Variants in CARM1 observed in about 807,000 individuals in gnomAD.
CARM1 encodes coactivator associated arginine methyltransferase 1, also known as histone-arginine methyltransferase CARM1.
A neutral mutation model predicts 72.7 loss-of-function variants in CARM1; 14 were observed. The observed-to-expected ratio is 0.19, with a 90% CI of 0.13 to 0.30. The LOEUF (loss-of-function observed/expected upper bound fraction) is 0.30. CARM1 is among the 10% of genes least tolerant of loss of function. The pLI is 1.00. For missense variants in CARM1, 432 were observed against 833.7 expected, an observed-to-expected ratio of 0.52 and a Z score of 5.93; for synonymous variants, 333 against 345.5, an observed-to-expected ratio of 0.96 and a Z score of 0.40.
chr19:10,874,789 A>T (rs554502828), intron 1 of CARM1, among the ~76,000 whole-genome samples: 1 of 152,318 alleles, frequency 6.6e-6, no homozygotes, highest in East Asian at 1.9e-4. Context: ...TGAGAGGTTG[A>T]GGCAGGCGAA....
At chr19:10,909,650 T>C (rs1196564398) in intron 4 of CARM1, among the ~76,000 whole-genome samples, 1 of 151,926 alleles carries the variant, frequency 6.6e-6, no homozygotes, top group Admixed American at 6.6e-5. Flanking sequence ...GGCAGGTGAA[T>C]GGCATGAACG....
In CARM1 at chr19:10,896,373, G is replaced by A. The variant is rs1272069168; in HGVS notation, c.221-8578G>A. 6.6e-6 allele frequency among the ~76,000 whole-genome samples: 1 copy of A among 152,052 alleles called. No homozygotes were observed. The highest frequency in any genetic ancestry group is 2.4e-5 in the African/African-American group (1 of 41,402). On this transcript the variant is annotated intron_variant, in intron 1 of 15. Coordinates refer to ENST00000327064, the MANE Select transcript of CARM1 (RefSeq NM_199141.2). This position sits in a 1 kb window ranked among gnomAD's most constrained non-coding sequence, Gnocchi z 5.2. ...TGGGGGGCCAATAAGGAGGGGATGT[G>A]CAGCATGCTGACTCTAAGGCAGGTG...
chr19:10,904,381 ATGAC>A (rs1237394282), intron 1 of CARM1, among the ~76,000 whole-genome samples: 3 of 152,338 alleles, frequency 2.0e-5, no homozygotes, highest in Non-Finnish European at 4.4e-5. Flanking sequence ...TGTGGAATGA[ATGAC>A]TGGTAACAGC....
Position 10,871,800 on chromosome 19 carries a change from C to T in CARM1, c.98C>T (p.Pro33Leu), listed in dbSNP as rs987598124. ...AGPCATVSVF[P>L]GARLLTIGDA... ...CCCTGCGCTACCGTGTCGGTGTTCCCCGGCGCCCGCCTCCTCACCATCGGC... is the reference window on the plus strand; with the variant it reads ...CCCTGCGCTACCGTGTCGGTGTTCCTCGGCGCCCGCCTCCTCACCATCGGC... Residue 33 changes from proline to leucine, a missense_variant, in exon 1 of 16, where the codon CCC becomes CTC. Pro to Leu is a moderately conservative substitution (Grantham distance 98). This residue lies in a region of CARM1 where 138 missense variants were observed against 192.3 expected (regional missense o/e 0.72). Transcript: ENST00000327064. This position sits in a 1 kb window ranked among gnomAD's most constrained non-coding sequence, Gnocchi z 5.6. The T allele has an allele frequency of 7.3e-6, 9 of 1,233,322 alleles. No individual in the cohort carries two copies. Among genetic ancestry groups the T allele is most frequent in the Non-Finnish European group, 9.2e-6 (9 of 981,754 alleles). The allele number at this position is 1,233,322 out of a possible 1,614,324, so 76.4% of individuals were successfully genotyped here. A position where few individuals can be genotyped will look rare whatever the true frequency, so the allele number is the denominator to read the frequency against.
At position 10,920,960 on chromosome 19, in the gene CARM1, A is replaced by G. The variant is rs1599713188; in HGVS notation, c.1537+14A>G. 1 of 1,613,360 alleles carries G rather than the reference A, an allele frequency of 6.2e-7. No individual in the cohort carries two copies. The highest frequency in any genetic ancestry group is 8.5e-7 in the Non-Finnish European group (1 of 1,179,452). On this transcript the variant is annotated intron_variant, in intron 13 of 15. Coordinates refer to ENST00000327064, the MANE Select transcript of CARM1 (RefSeq NM_199141.2). This position sits in a 1 kb window ranked among gnomAD's most constrained non-coding sequence, Gnocchi z 5.3. ...TGGCCGTGGCAGGTGAGCAGGGCCCACCCCAATGCCCAGCCAACCCGGGAG... is the reference window on the plus strand; with the variant it reads ...TGGCCGTGGCAGGTGAGCAGGGCCCGCCCCAATGCCCAGCCAACCCGGGAG...
At chr19:10,883,164 C>T (rs1307654990) in intron 1 of CARM1, among the ~76,000 whole-genome samples, 1 of 152,168 alleles carries the variant, frequency 6.6e-6, no homozygotes, top group African/African-American at 2.4e-5. Flanking sequence ...CCGTGGTTCT[C>T]CCTCCAGTTT....
At chr19:10,913,737 A>G (rs1044494118) in intron 5 of CARM1, 140 bp from the exon 6 acceptor site, 15 of 830,714 alleles carry the variant, frequency 1.8e-5, no homozygotes, top group Middle Eastern at 3.7e-4. Context: ...AATCGCAGCC[A>G]TGGTTGGGGC....
At chr19:10,899,789 C>T (rs868639476) in intron 1 of CARM1, among the ~76,000 whole-genome samples, 4 of 150,718 alleles carry the variant, frequency 2.7e-5, no homozygotes, top group African/African-American at 7.3e-5. Flanking sequence ...GGTGCCATCT[C>T]GGCTCACTGC....
rs1010696938 is a variant in CARM1 at position 10,915,995 on chromosome 19, A to G, written c.848-412A>G. On this transcript the variant is annotated intron_variant, in intron 6 of 15. Coordinates refer to ENST00000327064, the MANE Select transcript of CARM1 (RefSeq NM_199141.2). The surrounding 1 kb of genome is among the most constrained non-coding windows in gnomAD (Gnocchi z 4.6). The stretch of plus-strand genomic sequence containing the variant: ...GCGGCGTTGGGGTAGCCCGGGGCCC[A>G]CCACCCTCCCTCTGTCCAGAGCAAC... Among the ~76,000 whole-genome samples, 1 of 152,124 alleles carries G rather than the reference A, an allele frequency of 6.6e-6. No homozygotes were observed. The highest frequency in any genetic ancestry group is 2.4e-5 in the African/African-American group (1 of 41,430).
At chr19:10,884,030 T>TC in intron 1 of CARM1, among the ~76,000 whole-genome samples, 1 of 137,164 alleles carries the variant, frequency 7.3e-6, no homozygotes, top group Non-Finnish European at 1.6e-5. Flanking sequence ...TTTTTTTTTT[T>TC]CGTTTTTTGT....
In CARM1 at chr19:10,920,317, G is replaced by C; in HGVS notation, c.1197-119G>C. Reference sequence around the variant, plus strand: ...TGGGGGCCAGCCTGTCTCTGCTCCAGGGTCCCAGGGGTCCCTGGCAGAGGG... The same window carrying C: ...TGGGGGCCAGCCTGTCTCTGCTCCACGGTCCCAGGGGTCCCTGGCAGAGGG... On this transcript the variant is annotated intron_variant, in intron 10 of 15. Transcript: ENST00000327064. This position sits in a 1 kb window ranked among gnomAD's most constrained non-coding sequence, Gnocchi z 5.3. 4 of 1,222,392 alleles carry C rather than the reference G, an allele frequency of 3.3e-6. No individual in the cohort carries two copies. In the South Asian group the frequency reaches 6.1e-5, roughly 19 times the overall value. The allele number at this position is 1,222,392 out of a possible 1,614,324, so 75.7% of individuals were successfully genotyped here.
intron 8 of CARM1, 111 bp from the exon 9 acceptor site, chr19:10,919,484 T>C: frequency 2.6e-6 from 2 of 769,592 alleles, no homozygotes; most frequent in South Asian, 3.4e-5. Context: ...CAAGCTCGTT[T>C]TAGCTGCACA....
chr19:10,892,666 CCTCCATTACCTAGGAATCCTCACTG>C lies in CARM1; in HGVS notation c.221-12283_221-12259del, dbSNP rs528725911. Among the ~76,000 whole-genome samples the C allele has an allele frequency of 2.5e-3, 374 of 152,304 alleles. 2 individuals are homozygous for C. Among genetic ancestry groups the C allele is most frequent in the Middle Eastern group, 3.4e-3 (1 of 294 alleles). On this transcript the variant is annotated intron_variant, in intron 1 of 15. Transcript: ENST00000327064. ...ATGAAGTACTTAACACCTCCAGCTC[CCTCCATTACCTAGGAATCCTCACTG>C]CAGGGAGGGGTTTTCATCCCCATTT...
chr19:10,899,984 G>A (rs1263468695), intron 1 of CARM1, among the ~76,000 whole-genome samples: 2 of 152,178 alleles, frequency 1.3e-5, no homozygotes, highest in South Asian at 2.1e-4. Flanking sequence ...CAAAGTGCTG[G>A]AATTACAGGC....
chr19:10,908,200 C>G, intron 3 of CARM1, 55 bp downstream of exon 3: 1 of 1,191,716 alleles, frequency 8.4e-7, no homozygotes, highest in Non-Finnish European at 1.3e-6. Context: ...CCCCCTGCCA[C>G]TCACCCGCAG....
At chr19:10,890,301 CTTG>C (rs1164035594) in intron 1 of CARM1, among the ~76,000 whole-genome samples, 59 of 141,372 alleles carry the variant, frequency 4.2e-4, no homozygotes, top group Non-Finnish European at 1.7e-4. Flanking sequence ...GAGTTTCGCT[CTTG>C]TTGTCCAGGC....
At chr19:10,893,280 A>G (rs1322815845) in intron 1 of CARM1, among the ~76,000 whole-genome samples, 3 of 151,490 alleles carry the variant, frequency 2.0e-5, no homozygotes, top group Non-Finnish European at 2.9e-5. Context: ...CACATGATCC[A>G]CCTGCTTCGG....
intron 1 of CARM1, among the ~76,000 whole-genome samples, chr19:10,897,072 A>G (rs1333097631): frequency 1.3e-5 from 2 of 152,166 alleles, no homozygotes; most frequent in African/African-American, 4.8e-5. Flanking sequence ...AGCACACAAT[A>G]TTTACTGTCT....
In CARM1 at chr19:10,871,637, G is replaced by GGCGGCGGCGGCGGCGGCGGCAGCA. The variant is rs1229015115; in HGVS notation, c.-64_-63insGGCGGCGGCGGCGGCGGCAGCAGC. The GGCGGCGGCGGCGGCGGCGGCAGCA allele has an allele frequency of 6.1e-5, 10 of 164,134 alleles. 1 individual carries two copies. Among genetic ancestry groups the GGCGGCGGCGGCGGCGGCGGCAGCA allele is most frequent in the African/African-American group, 3.8e-4 (10 of 26,026 alleles). 10.2% of individuals were successfully genotyped at this position (164,134 alleles called of 1,614,324 possible). A position where few individuals can be genotyped will look rare whatever the true frequency, so the allele number is the denominator to read the frequency against. ...CGGCGGCGGCGGCGGCGGCGGCGGC[G>GGCGGCGGCGGCGGCGGCGGCAGCA]GCAGCGGCGGCGGCCTGGGCCCGGG... is the stretch of plus-strand genomic sequence containing the variant. On this transcript the variant is annotated 5_prime_UTR_variant, in exon 1 of 16. Transcript: ENST00000327064. This position sits in a 1 kb window ranked among gnomAD's most constrained non-coding sequence, Gnocchi z 5.6.
Sources: allele counts gnomAD v4.1 joint callset (sites outside exome capture counted in the v4.1 genomes callset), GRCh38; gene constraint gnomAD v4.1.1; regional missense constraint gnomAD v4.1.1; non-coding constraint Gnocchi (gnomAD v3.1); transcripts MANE v1.5; gene names NCBI Gene and HGNC (gene_info 2026-07-23, HGNC 2026-07-21).